SORCS2: variants seen among roughly 807,000 people sequenced by gnomAD.
The protein encoded by SORCS2 is VPS10 domain-containing receptor SorCS2.
SORCS2 carries 100 observed loss-of-function variants against 141.6 expected under a neutral mutation model. The ratio of observed to expected loss-of-function variants is 0.71; its 90% CI spans 0.60 to 0.83. The LOEUF is 0.83. Among genes scored for constraint, SORCS2 ranks in the 40% least tolerant of loss-of-function variants. The pLI, the probability that SORCS2 is intolerant of heterozygous loss-of-function variation, is 0.00. For synonymous variants in SORCS2, 789 were observed against 676.9 expected (o/e 1.17, Z -2.57); for missense variants, 1,646 against 1,560.2 (o/e 1.05, Z -0.93).
intron 3 of SORCS2, among the ~76,000 whole-genome samples, chr4:7,602,178 G>GC (rs908759840): frequency 2.6e-5 from 4 of 152,364 alleles, no homozygotes; most frequent in Admixed American, 1.3e-4. Flanking sequence ...TCAATGGGCT[G>GC]CTGGGTACAC....
At chr4:7,300,061 G>A (rs1717333763) in intron 1 of SORCS2, among the ~76,000 whole-genome samples, 1 of 152,200 alleles carries the variant, frequency 6.6e-6, no homozygotes, top group East Asian at 1.9e-4. Context: ...GAATCAGGAC[G>A]AGAGAGGATG....
intron 1 of SORCS2, among the ~76,000 whole-genome samples, chr4:7,259,220 CA>C (rs1229012634): frequency 6.6e-6 from 1 of 152,176 alleles, no homozygotes; most frequent in Non-Finnish European, 1.5e-5. Context: ...GCCTGGCTGA[CA>C]CAGATGTATC....
chr4:7,438,744 G>C (rs1050126665), intron 2 of SORCS2, among the ~76,000 whole-genome samples: 11 of 150,404 alleles, frequency 7.3e-5, no homozygotes, highest in African/African-American at 4.9e-5. Context: ...TTATTTAATA[G>C]ACTATAATCC....
chr4:7,641,517 C>T (rs975737471), intron 4 of SORCS2, among the ~76,000 whole-genome samples: 3 of 152,242 alleles, frequency 2.0e-5, no homozygotes, highest in Non-Finnish European at 4.4e-5. Flanking sequence ...TGGGTGGGAA[C>T]ACAGAGCCAA....
Position 7,305,174 on chromosome 4 carries a change from G to A in SORCS2, c.481-91114G>A, listed in dbSNP as rs190415494. 4.9e-3 allele frequency among the ~76,000 whole-genome samples: 744 copies of A among 152,194 alleles called. 6 individuals carry two copies. The highest frequency in any genetic ancestry group is 0.017 in the African/African-American group (703 of 41,532). ...AGCCTCCCGAGTAGCTGGGACTGCA[G>A]GCGCCTGCCACCGCGCCCGGCTAAT... is the stretch of plus-strand genomic sequence containing the variant. On this transcript the variant is annotated intron_variant, in intron 1 of 26. Transcript: ENST00000507866.
chr4:7,612,610 A>G (rs1292015518), intron 3 of SORCS2, among the ~76,000 whole-genome samples: 2 of 152,064 alleles, frequency 1.3e-5, no homozygotes, highest in African/African-American at 4.8e-5. Flanking sequence ...CCACGCAGTG[A>G]CTCGGCTGGG....
At position 7,741,393 on chromosome 4, in the gene SORCS2, C is replaced by G. The variant is rs1712660459; in HGVS notation, c.*1129C>G. The stretch of plus-strand genomic sequence containing the variant: ...GCGCCAGTGCTGTGCGGTCTCCACA[C>G]CCTTACGGTTTCCTAGAATCAGGGA... On this transcript the variant is annotated 3_prime_UTR_variant, in exon 27 of 27. Transcript: ENST00000507866. 1.9e-5 allele frequency: 5 copies of G among 260,636 alleles called. No individual in the cohort carries two copies. Among genetic ancestry groups the G allele is most frequent in the Non-Finnish European group, 3.5e-5 (5 of 141,214 alleles). 16.1% of individuals were successfully genotyped at this position (260,636 alleles called of 1,614,324 possible). A position where few individuals can be genotyped will look rare whatever the true frequency, so the allele number is the denominator to read the frequency against.
intron 3 of SORCS2, among the ~76,000 whole-genome samples, chr4:7,609,636 A>G (rs1433936453): frequency 6.6e-6 from 1 of 152,282 alleles, no homozygotes; most frequent in Non-Finnish European, 1.5e-5. Flanking sequence ...GGCCTGGCAC[A>G]TAAATGACCA....
intron 1 of SORCS2, among the ~76,000 whole-genome samples, chr4:7,340,843 T>G (rs1283492288): frequency 1.3e-5 from 2 of 152,152 alleles, no homozygotes; most frequent in African/African-American, 4.8e-5. Flanking sequence ...AAGCCAAACT[T>G]TAGAGATCAA....
intron 1 of SORCS2, among the ~76,000 whole-genome samples, chr4:7,395,883 C>G (rs1724178950): frequency 6.6e-6 from 1 of 152,206 alleles, no homozygotes; most frequent in East Asian, 1.9e-4. Context: ...CTCTAACGCG[C>G]TGGTGGAGAC....
chr4:7,484,456 C>T (rs913573505), intron 2 of SORCS2, among the ~76,000 whole-genome samples: 4 of 152,076 alleles, frequency 2.6e-5, no homozygotes, highest in African/African-American at 7.2e-5. Context: ...GTGGTGTTGC[C>T]GTGGGAAGGA....
At chr4:7,543,698 A>G (rs1281921223) in intron 3 of SORCS2, among the ~76,000 whole-genome samples, 2 of 68,868 alleles carry the variant, frequency 2.9e-5, no homozygotes, top group Non-Finnish European at 3.5e-5. Context: ...CCATCCACCC[A>G]TCCATCCATC....
chr4:7,697,054 G>A (rs1000670442), intron 11 of SORCS2, 144 bp from the exon 12 acceptor site: 38 of 652,854 alleles, frequency 5.8e-5, no homozygotes, highest in Non-Finnish European at 9.7e-5. Context: ...GGGCCCCAGC[G>A]CAGCAGCCAC....
intron 3 of SORCS2, among the ~76,000 whole-genome samples, chr4:7,547,295 G>A (rs961615841): frequency 2.6e-5 from 4 of 152,138 alleles, no homozygotes; most frequent in African/African-American, 9.7e-5. Flanking sequence ...GCTGACTCCA[G>A]CAGCCTCCCC....
chr4:7,426,304 G>T (rs1466824585), intron 2 of SORCS2, among the ~76,000 whole-genome samples: 1 of 36,630 alleles, frequency 2.7e-5, no homozygotes, highest in Non-Finnish European at 6.1e-5. Flanking sequence ...TTTGAGCCAG[G>T]GGAGGCCCGA....
At chr4:7,621,342 GTGTGTGTCTATGTGTGAGTGTTATGTT>G (rs1436905262) in intron 3 of SORCS2, among the ~76,000 whole-genome samples, 48 of 152,170 alleles carry the variant, frequency 3.2e-4, no homozygotes, top group African/African-American at 1.0e-3. Context: ...GAGTGTTTAT[GTGTGTGTCTATGTGTGAGTGTTATGTT>G]TGTGTGTCTA....
chr4:7,565,437 GGAT>G (rs1329536762), intron 3 of SORCS2, among the ~76,000 whole-genome samples: 1 of 152,074 alleles, frequency 6.6e-6, no homozygotes, highest in African/African-American at 2.4e-5. Context: ...ATAGTGATTA[GGAT>G]GATATGATGA....
intron 2 of SORCS2, among the ~76,000 whole-genome samples, chr4:7,453,718 C>G (rs1728658383): frequency 8.5e-6 from 1 of 118,054 alleles, no homozygotes; most frequent in Non-Finnish European, 1.7e-5. Flanking sequence ...GGGTCAGGCA[C>G]TGTGTTGGGG....
intron 2 of SORCS2, among the ~76,000 whole-genome samples, chr4:7,443,512 A>G (rs1201736236): frequency 6.6e-6 from 1 of 152,166 alleles, no homozygotes; most frequent in Non-Finnish European, 1.5e-5. Flanking sequence ...CTTAGTCCCT[A>G]CAACCCGAAA....
Sources: gnomAD v4.1 joint callset for allele counts (sites outside exome capture counted in the v4.1 genomes callset) on GRCh38, gnomAD v4.1.1 for gene constraint, MANE v1.5 for transcripts, NCBI Gene and HGNC (gene_info 2026-07-23, HGNC 2026-07-21) for gene names.